CACNA1B: variants seen among roughly 807,000 people sequenced by gnomAD.
CACNA1B encodes the protein calcium voltage-gated channel subunit alpha1 B, also known as voltage-dependent N-type calcium channel subunit alpha-1B.
In CACNA1B, 70 loss-of-function variants were observed where a neutral mutation model predicts 247.2. The observed-to-expected ratio is 0.28, with a 90% CI of 0.23 to 0.35. The LOEUF is 0.35. Among genes scored for constraint, CACNA1B ranks in the 10% least tolerant of loss-of-function variants. CACNA1B has a pLI of 1.00. For missense variants in CACNA1B, 2,367 were observed against 3,197.4 expected (o/e 0.74, Z 6.26); for synonymous variants, 1,231 against 1,294.4 (o/e 0.95, Z 1.05).
Position 137,947,025 on chromosome 9 carries a change from A to G in CACNA1B, c.967-5249A>G, listed in dbSNP as rs990809979. ...TGCTCCACAGAGTGGGAGTGGGCTC[A>G]AACAAGTTGCTCAAGAGTGTTAGTT... is the stretch of plus-strand genomic sequence containing the variant. On this transcript the variant is annotated intron_variant, in intron 6 of 46. Transcript: ENST00000371372. Among the ~76,000 whole-genome samples the G allele has an allele frequency of 3.0e-4, 45 of 152,160 alleles. 2 individuals are homozygous for G. Among genetic ancestry groups the G allele is most frequent in the African/African-American group, 9.6e-4 (40 of 41,460 alleles).
At chr9:137,968,240 G>A (rs917827450) in intron 10 of CACNA1B, among the ~76,000 whole-genome samples, 5 of 152,136 alleles carry the variant, frequency 3.3e-5, no homozygotes, top group East Asian at 1.9e-4. Context: ...AGACGAAGCC[G>A]TGCTTGAATC....
At chr9:137,903,838 G>A (rs553681571) in intron 3 of CACNA1B, among the ~76,000 whole-genome samples, 32 of 152,162 alleles carry the variant, frequency 2.1e-4, no homozygotes, top group African/African-American at 7.5e-4. Context: ...ATTGATTGGC[G>A]GCATTTCGAT....
At chr9:137,940,592 A>T (rs1957722496) in intron 6 of CACNA1B, among the ~76,000 whole-genome samples, 1 of 152,194 alleles carries the variant, frequency 6.6e-6, no homozygotes, top group Admixed American at 6.5e-5. Flanking sequence ...CCCTAATATC[A>T]AACCTGGAAA....
At chr9:138,000,344 C>T (rs7035136) in intron 15 of CACNA1B, among the ~76,000 whole-genome samples, 44,454 of 151,922 alleles carry the variant, frequency 0.29, 9,178 homozygotes, top group East Asian at 0.65. Flanking sequence ...GTGATCAGCC[C>T]GCCTTGGCCT....
At chr9:137,921,347 G>A (rs938599372) in intron 6 of CACNA1B, among the ~76,000 whole-genome samples, 24 of 152,052 alleles carry the variant, frequency 1.6e-4, no homozygotes, top group Non-Finnish European at 2.5e-4. Flanking sequence ...TAAAGCGTTC[G>A]GAGAACATGG....
chr9:138,064,637 G>A (rs1959850821), intron 31 of CACNA1B, among the ~76,000 whole-genome samples: 1 of 152,246 alleles, frequency 6.6e-6, no homozygotes, highest in African/African-American at 2.4e-5. Flanking sequence ...CCAATGCCAT[G>A]GCTGATTAGC....
At chr9:137,926,788 T>C (rs563627937) in intron 6 of CACNA1B, among the ~76,000 whole-genome samples, 1 of 152,342 alleles carries the variant, frequency 6.6e-6, no homozygotes, top group African/African-American at 2.4e-5. Context: ...TCTTTAATGA[T>C]TAGTGATGTT....
Position 138,059,024 on chromosome 9 carries a change from T to C in CACNA1B, c.4474-55T>C. On this transcript the variant is annotated intron_variant, in intron 29 of 46. Coordinates refer to ENST00000371372, the MANE Select transcript of CACNA1B (RefSeq NM_000718.4). This position sits in a 1 kb window ranked among gnomAD's most constrained non-coding sequence, Gnocchi z 4.2. ...TTTGCTTGGTCATAGTGGTCCCAGA[T>C]GGGGTGTCTTGGGGCTGCCAAACCC... 4.8e-6 allele frequency: 5 copies of C among 1,041,294 alleles called. No homozygotes were observed. Among genetic ancestry groups the C allele is most frequent in the Non-Finnish European group, 7.5e-6 (5 of 670,058 alleles). The allele number at this position is 1,041,294 out of a possible 1,614,324, so 64.5% of individuals were successfully genotyped here.
chr9:138,049,002 G>A (rs1414431965), intron 23 of CACNA1B, among the ~76,000 whole-genome samples: 1 of 152,202 alleles, frequency 6.6e-6, no homozygotes, highest in Non-Finnish European at 1.5e-5. Context: ...TCAGGCATAA[G>A]CCACCATGTC....
intron 18 of CACNA1B, among the ~76,000 whole-genome samples, chr9:138,016,164 A>G (rs913580939): frequency 6.6e-6 from 1 of 152,010 alleles, no homozygotes; most frequent in Non-Finnish European, 1.5e-5. Flanking sequence ...TCACACATTC[A>G]CACACAGTCT....
rs1962197987 is a variant in CACNA1B at position 138,124,460 on chromosome 9, G to A, written c.*2461G>A. 1.3e-5 allele frequency: 2 copies of A among 150,388 alleles called. No homozygotes were observed. Among genetic ancestry groups the A allele is most frequent in the African/African-American group, 4.9e-5 (2 of 40,964 alleles). The allele number at this position is 150,388 out of a possible 1,614,324, so 9.3% of individuals were successfully genotyped here. A position where few individuals can be genotyped will look rare whatever the true frequency, so the allele number is the denominator to read the frequency against. On this transcript the variant is annotated 3_prime_UTR_variant, in exon 47 of 47. Coordinates refer to ENST00000371372, the MANE Select transcript of CACNA1B (RefSeq NM_000718.4). ...AAAGTCCCAACCATGCAACACAACT[G>A]GGACCTACTTAAAAAGAAATTCTGT...
intron 1 of CACNA1B, among the ~76,000 whole-genome samples, chr9:137,878,773 G>A (rs1024578045): frequency 6.6e-6 from 1 of 152,180 alleles, no homozygotes; most frequent in Non-Finnish European, 1.5e-5. Flanking sequence ...GGAGTCGGGC[G>A]GAGCCGGGCC....
At chr9:138,035,882 A>G (rs1959036635) in intron 20 of CACNA1B, among the ~76,000 whole-genome samples, 1 of 152,216 alleles carries the variant, frequency 6.6e-6, no homozygotes, top group African/African-American at 2.4e-5. Flanking sequence ...TATTTTAGTT[A>G]TATATTGAAA....
chr9:137,996,159 A>G (rs1419438320), intron 15 of CACNA1B, among the ~76,000 whole-genome samples: 1 of 152,254 alleles, frequency 6.6e-6, no homozygotes, highest in Non-Finnish European at 1.5e-5. Context: ...ACTTCTAGAT[A>G]TCTACTCAGA....
chr9:137,941,483 A>T (rs1260702408), intron 6 of CACNA1B, among the ~76,000 whole-genome samples: 3 of 152,212 alleles, frequency 2.0e-5, no homozygotes, highest in African/African-American at 7.2e-5. Context: ...GGGTAGAATC[A>T]ATATTGTGAA....
chr9:137,907,511 G>A (rs1333031414), intron 3 of CACNA1B, among the ~76,000 whole-genome samples: 2 of 152,210 alleles, frequency 1.3e-5, no homozygotes, highest in African/African-American at 4.8e-5. Flanking sequence ...TGTGCTAAAT[G>A]TAGGATGTCA....
rs866494351 is a variant in CACNA1B, at chr9:137,974,091, C to T, written c.1544-1816C>T. Among the ~76,000 whole-genome samples, 7 of 152,148 alleles carry T rather than the reference C, an allele frequency of 4.6e-5. No homozygotes were observed. The highest frequency in any genetic ancestry group is 1.3e-4 in the Admixed American group (2 of 15,278). On this transcript the variant is annotated intron_variant, in intron 11 of 46. Transcript: ENST00000371372. This position sits in a 1 kb window ranked among gnomAD's most constrained non-coding sequence, Gnocchi z 4.5. ...GGGGCTCTGGGACTTTGTGGCCAGG[C>T]GTGTTGGGCCTTTCCAAGCTGCTTG...
chr9:138,074,849 G>A (rs143349478), intron 34 of CACNA1B, among the ~76,000 whole-genome samples: 3 of 152,362 alleles, frequency 2.0e-5, no homozygotes, highest in African/African-American at 2.4e-5. Context: ...TGGCAGCCGC[G>A]CTGAAGGACA....
intron 10 of CACNA1B, among the ~76,000 whole-genome samples, chr9:137,967,099 G>T (rs1266310227): frequency 6.6e-6 from 1 of 151,896 alleles, no homozygotes; most frequent in Admixed American, 6.6e-5. Context: ...TAATCGAGTT[G>T]CTGTTTATTG....
Sources: allele counts gnomAD v4.1 joint callset (sites outside exome capture counted in the v4.1 genomes callset), GRCh38; gene constraint gnomAD v4.1.1; non-coding constraint Gnocchi (gnomAD v3.1); transcripts MANE v1.5; gene names NCBI Gene and HGNC (gene_info 2026-07-23, HGNC 2026-07-21).